The following SLCO2B1 variants were observed in gnomAD, a reference collection of about 807,000 sequenced individuals.
SLCO2B1 encodes OATP-RP2.
In SLCO2B1, 41 loss-of-function variants were observed where a neutral mutation model predicts 67.3. The ratio of observed to expected loss-of-function variants is 0.61; its 90% CI spans 0.47 to 0.79. SLCO2B1 has a LOEUF of 0.79. Among genes scored for constraint, SLCO2B1 ranks in the 30% least tolerant of loss-of-function variants. SLCO2B1 has a pLI of 0.00. For missense variants in SLCO2B1, 837 were observed against 920.1 expected, an observed-to-expected ratio of 0.91 and a Z score of 1.17; for synonymous variants, 379 against 381.4, an observed-to-expected ratio of 0.99 and a Z score of 0.07.
intron 1 of SLCO2B1, among the ~76,000 whole-genome samples, chr11:75,152,909 G>C (rs1334223610): frequency 1.3e-5 from 2 of 152,150 alleles, no homozygotes; most frequent in East Asian, 3.9e-4. Context: ...CCTGCAGCCT[G>C]GGAAGAGTCC....
intron 11 of SLCO2B1, 97 bp downstream of exon 11, chr11:75,200,484 C>A: frequency 7.8e-7 from 1 of 1,277,760 alleles, no homozygotes; most frequent in South Asian, 1.5e-5. Context: ...AGAAAGGAGG[C>A]CACTTGGGTG....
chr11:75,186,132 A>G (rs970882947), intron 7 of SLCO2B1, among the ~76,000 whole-genome samples: 5 of 151,218 alleles, frequency 3.3e-5, no homozygotes, highest in Admixed American at 1.3e-4. Context: ...CAAAATCTCC[A>G]TCTCCCTGGC....
chr11:75,158,680 T>C (rs1182851091), intron 1 of SLCO2B1, among the ~76,000 whole-genome samples: 1 of 152,138 alleles, frequency 6.6e-6, no homozygotes, highest in Non-Finnish European at 1.5e-5. Context: ...CATCAGTAAA[T>C]ACTGTTATAT....
chr11:75,153,847 G>A (rs1949717501), intron 1 of SLCO2B1, among the ~76,000 whole-genome samples: 2 of 152,064 alleles, frequency 1.3e-5, no homozygotes, highest in South Asian at 4.2e-4. Context: ...ATCTGAGGAG[G>A]AAGTGGCCCT....
chr11:75,163,138 C>T (rs1295255788), intron 2 of SLCO2B1, among the ~76,000 whole-genome samples: 1 of 152,152 alleles, frequency 6.6e-6, no homozygotes, highest in Non-Finnish European at 1.5e-5. Flanking sequence ...CAGCTGTGAA[C>T]ATCCAACGTC....
At chr11:75,200,641 A>C (rs1323339892) in intron 11 of SLCO2B1, 1 of 398,494 alleles carries the variant, frequency 2.5e-6, no homozygotes, top group Non-Finnish European at 4.5e-6. Flanking sequence ...GTTGGGTGGA[A>C]TAGTACTGGT....
chr11:75,195,228 G>A (rs932722255), intron 9 of SLCO2B1, among the ~76,000 whole-genome samples: 1 of 152,292 alleles, frequency 6.6e-6, no homozygotes, highest in African/African-American at 2.4e-5. Flanking sequence ...AGCGGAGGAA[G>A]GACTCCCTAG....
rs768055058 is a variant in SLCO2B1, at chr11:75,162,686, C to G, written c.48C>G (p.Asp16Glu). ...CGGGTGAGGTACCCCAGGTACCAGA[C>G]AAGGAAACCAAAGCCACAATGGGCA... ...GPAGEVPQVP[D>E]KETKATMGTE... is the part of the protein sequence containing the mutation. Residue 16 changes from aspartate (D) to glutamate (E), a missense_variant, in exon 2 of 14, where the codon GAC (aspartate) becomes GAG (glutamate). Physicochemically the swap from Asp to Glu is conservative, Grantham distance 45. Transcript: ENST00000289575. 2 of 1,613,754 alleles carry G rather than the reference C, an allele frequency of 1.2e-6. No homozygotes were observed. Among genetic ancestry groups the G allele is most frequent in the African/African-American group, 1.3e-5 (1 of 74,962 alleles).
Position 75,202,836 on chromosome 11 carries a change from T to C in SLCO2B1, c.1764-65T>C. The C allele has an allele frequency of 2.9e-6, 4 of 1,395,298 alleles. No individual in the cohort carries two copies. In the South Asian group the frequency reaches 4.6e-5, roughly 16 times the overall value. 86.4% of individuals were successfully genotyped at this position (1,395,298 alleles called of 1,614,324 possible). A position where few individuals can be genotyped will look rare whatever the true frequency, so the allele number is the denominator to read the frequency against. ...GGGCATAATAAGAACCCTTCAACGT[T>C]GATGCATGGCCCTTGGGGGCTGGAA... On this transcript the variant is annotated intron_variant, in intron 11 of 13. Transcript: ENST00000289575.
At chr11:75,180,964 A>G (rs1565542369) in intron 7 of SLCO2B1, among the ~76,000 whole-genome samples, 1 of 152,226 alleles carries the variant, frequency 6.6e-6, no homozygotes. Flanking sequence ...ACATAAATGC[A>G]TGGACCCATA....
intron 2 of SLCO2B1, 28 bp downstream of exon 2, chr11:75,162,813 C>T: frequency 6.2e-7 from 1 of 1,606,062 alleles, no homozygotes; most frequent in Non-Finnish European, 8.5e-7. Flanking sequence ...GCAGGGGCCT[C>T]CGAGTCTAGA....
chr11:75,157,673 C>G (rs1465465611), intron 1 of SLCO2B1, among the ~76,000 whole-genome samples: 2 of 152,220 alleles, frequency 1.3e-5, no homozygotes, highest in South Asian at 2.1e-4. Context: ...CCCCAAAGGC[C>G]TTACCTCTTT....
chr11:75,189,608 G>T (rs1447571816), intron 8 of SLCO2B1, among the ~76,000 whole-genome samples: 1 of 152,128 alleles, frequency 6.6e-6, no homozygotes, highest in Middle Eastern at 3.2e-3. Flanking sequence ...GAGGATTTCT[G>T]CAACAGGAAG....
At chr11:75,151,796 G>C in intron 1 of SLCO2B1, 1 of 217,950 alleles carries the variant, frequency 4.6e-6, no homozygotes, top group South Asian at 1.1e-4. Flanking sequence ...CAAACGAAGA[G>C]GCACACAGGA....
At chr11:75,198,361 G>A (rs1945132443) in intron 10 of SLCO2B1, among the ~76,000 whole-genome samples, 1 of 152,262 alleles carries the variant, frequency 6.6e-6, no homozygotes, top group South Asian at 2.1e-4. Flanking sequence ...GAGCAGGAAT[G>A]TGCTGAATAA....
At chr11:75,158,449 G>C (rs1236931281) in intron 1 of SLCO2B1, among the ~76,000 whole-genome samples, 3 of 152,200 alleles carry the variant, frequency 2.0e-5, no homozygotes, top group African/African-American at 7.2e-5. Context: ...TGTTTGTTCA[G>C]ATTCTTCTCT....
intron 7 of SLCO2B1, among the ~76,000 whole-genome samples, chr11:75,184,782 C>T (rs1232992926): frequency 1.3e-5 from 2 of 152,164 alleles, no homozygotes; most frequent in Admixed American, 6.5e-5. Flanking sequence ...TCTGTCTCTG[C>T]CCCATCCTCT....
chr11:75,160,299 G>A (rs888309955), intron 1 of SLCO2B1, among the ~76,000 whole-genome samples: 4 of 152,220 alleles, frequency 2.6e-5, no homozygotes, highest in African/African-American at 9.6e-5. Context: ...AGCATTGAGT[G>A]ATGTTGAGTT....
intron 7 of SLCO2B1, among the ~76,000 whole-genome samples, chr11:75,184,333 G>A (rs533440240): frequency 6.6e-6 from 1 of 152,346 alleles, no homozygotes; most frequent in South Asian, 2.1e-4. Context: ...AGGGGAGAAA[G>A]ATGTCAAATA....
Sources: gnomAD v4.1 joint callset for allele counts (sites outside exome capture counted in the v4.1 genomes callset) on GRCh38, gnomAD v4.1.1 for gene constraint, MANE v1.5 for transcripts, NCBI Gene and HGNC (gene_info 2026-07-23, HGNC 2026-07-21) for gene names.